The following STAG2 variants were observed in gnomAD, a reference collection of about 807,000 sequenced individuals.
STAG2 encodes the protein STAG2 cohesin complex component.
STAG2 carries 14 observed loss-of-function variants against 108.1 expected under a neutral mutation model. That is an observed-to-expected ratio of 0.13 (90% confidence interval 0.09 to 0.20). The LOEUF is 0.20. STAG2 is among the 10% of genes least tolerant of loss of function. The pLI, the probability that STAG2 is intolerant of heterozygous loss-of-function variation, is 1.00. For synonymous variants in STAG2, 307 were observed against 302.7 expected, an observed-to-expected ratio of 1.01 and a Z score of -0.15; for missense variants, 440 against 940.9, an observed-to-expected ratio of 0.47 and a Z score of 6.96.
At chrX:123,986,415 T>A (rs2055194004) in intron 1 of STAG2, among the ~76,000 whole-genome samples, 1 of 110,849 alleles carries the variant, frequency 9.0e-6, no homozygotes, top group African/African-American at 3.3e-5. Context: ...GGTATTTGAG[T>A]TTCTTAATAG....
chrX:124,025,360 G>T (rs2057059496), intron 3 of STAG2, among the ~76,000 whole-genome samples: 1 of 111,514 alleles, frequency 9.0e-6, no homozygotes, highest in South Asian at 3.7e-4. Flanking sequence ...TACATGTTTT[G>T]TATATTGACT....
At chrX:124,014,264 G>A (rs1276606707) in intron 1 of STAG2, among the ~76,000 whole-genome samples, 1 of 111,945 alleles carries the variant, frequency 8.9e-6, no homozygotes, top group Non-Finnish European at 1.9e-5. Context: ...AGTTATTTTT[G>A]TAATGTTGTG....
chrX:124,037,682 T>C (rs960776673), intron 6 of STAG2, 59 bp downstream of exon 6: 1 of 721,504 alleles, frequency 1.4e-6, no homozygotes. Context: ...TTGTTCCACC[T>C]AAAGAGATGT....
At chrX:124,037,671 G>A (rs777301879) in intron 6 of STAG2, 48 bp downstream of exon 6, 6 of 843,214 alleles carry the variant, frequency 7.1e-6, no homozygotes, top group Non-Finnish European at 8.4e-6. Context: ...TAGTCACTTC[G>A]TTGTTCCACC....
chrX:124,048,443 GTT>G (rs762003595), intron 9 of STAG2, among the ~76,000 whole-genome samples: 4 of 110,774 alleles, frequency 3.6e-5, no homozygotes, highest in Non-Finnish European at 5.7e-5. Context: ...TCTTTACAGT[GTT>G]TTTTTTGGAG....
chrX:123,964,161 A>G lies in STAG2; in HGVS notation c.-163+2305A>G, dbSNP rs781550814. Among the ~76,000 whole-genome samples the G allele has an allele frequency of 1.4e-3, 156 of 110,330 alleles. 1 individual carries two copies. The highest frequency in any genetic ancestry group is 4.8e-3 in the African/African-American group (147 of 30,311). ...AGATTGTCTTACAGTCTTGGGGGTA[A>G]TGACTTAAGTTTATATTTACATGTC... On this transcript the variant is annotated intron_variant, in intron 1 of 34. Coordinates refer to ENST00000371145, the MANE Select transcript of STAG2 (RefSeq NM_001042750.2).
chrX:123,965,639 C>T (rs756766615), intron 1 of STAG2, among the ~76,000 whole-genome samples: 3 of 111,769 alleles, frequency 2.7e-5, no homozygotes, highest in Non-Finnish European at 3.8e-5. Context: ...CTTTCTGCTT[C>T]GGGTTCTTTA....
chrX:124,075,454 A>G (rs956803534), intron 25 of STAG2, among the ~76,000 whole-genome samples: 2 of 111,248 alleles, frequency 1.8e-5, no homozygotes, highest in Admixed American at 1.9e-4. Flanking sequence ...TTGTATTTTT[A>G]GTAGAGATGG....
At chrX:123,972,252 G>A (rs1375373450) in intron 1 of STAG2, among the ~76,000 whole-genome samples, 1 of 107,913 alleles carries the variant, frequency 9.3e-6, no homozygotes, top group Non-Finnish European at 1.9e-5. Context: ...GTTGACGTTT[G>A]GAGGTTTTGT....
chrX:124,037,240 C>T (rs1475346730), intron 5 of STAG2, among the ~76,000 whole-genome samples: 1 of 111,887 alleles, frequency 8.9e-6, no homozygotes, highest in Non-Finnish European at 1.9e-5. Context: ...ACTGAGAAAT[C>T]ATAAGTAATT....
At chrX:123,990,166 A>G (rs2055384420) in intron 1 of STAG2, among the ~76,000 whole-genome samples, 1 of 111,876 alleles carries the variant, frequency 8.9e-6, no homozygotes, top group Non-Finnish European at 1.9e-5. Flanking sequence ...AGCCCTGGTT[A>G]CAGGATCTTC....
chrX:123,974,445 C>T (rs113633025), intron 1 of STAG2, among the ~76,000 whole-genome samples: 5 of 108,194 alleles, frequency 4.6e-5, no homozygotes, highest in African/African-American at 6.8e-5. Flanking sequence ...AGGCTTGTAT[C>T]GAACTCCTGA....
chrX:123,998,485 G>GTT (rs767817877), intron 1 of STAG2, among the ~76,000 whole-genome samples: 1,230 of 92,637 alleles, frequency 0.013, 9 homozygotes, highest in African/African-American at 0.022. Context: ...GTGTGTATGT[G>GTT]TTTTTTTTTT....
chrX:124,092,924 C>T (rs993029602), intron 32 of STAG2, among the ~76,000 whole-genome samples: 5 of 111,549 alleles, frequency 4.5e-5, no homozygotes, highest in African/African-American at 1.6e-4. Context: ...CATATTTGTC[C>T]AGGTAACATG....
chrX:124,042,221 A>G (rs187787398), intron 6 of STAG2, among the ~76,000 whole-genome samples: 31 of 111,290 alleles, frequency 2.8e-4, no homozygotes, highest in South Asian at 7.6e-4. Context: ...ACTAGATGCT[A>G]TCTCACTCTT....
At chrX:123,979,909 A>G (rs1353415387) in intron 1 of STAG2, among the ~76,000 whole-genome samples, 2 of 111,937 alleles carry the variant, frequency 1.8e-5, no homozygotes, top group African/African-American at 3.2e-5. Context: ...TAGCATACAT[A>G]TGTACATTTC....
In STAG2 at chrX:124,102,330, A is replaced by G. The variant is rs753606076; in HGVS notation, c.*1733A>G. 1.3e-5 allele frequency: 2 copies of G among 157,887 alleles called. No individual in the cohort carries two copies. Among genetic ancestry groups the G allele is most frequent in the South Asian group, 6.4e-4 (2 of 3,105 alleles). 13.0% of individuals were successfully genotyped at this position (157,887 alleles called of 1,213,427 possible). The stretch of plus-strand genomic sequence containing the variant: ...TTTTTTTCTCACTCTTGAAAGGAGT[A>G]CTTCTTTGTGAAAGCAGTTCTTACA... On this transcript the variant is annotated 3_prime_UTR_variant, in exon 35 of 35. Coordinates refer to ENST00000371145, the MANE Select transcript of STAG2 (RefSeq NM_001042750.2).
intron 27 of STAG2, among the ~76,000 whole-genome samples, chrX:124,079,457 A>T (rs2058895167): frequency 9.1e-6 from 1 of 109,458 alleles, no homozygotes; most frequent in Non-Finnish European, 1.9e-5. Flanking sequence ...TCTTAATTTT[A>T]TTTGAGAATT....
chrX:124,067,265 G>GC (rs1387247062), intron 23 of STAG2, among the ~76,000 whole-genome samples: 17 of 25,562 alleles, frequency 6.7e-4, no homozygotes, highest in African/African-American at 1.6e-4. Flanking sequence ...TGTGCTTCCC[G>GC]CCCCCCCACC....
Sources: allele counts gnomAD v4.1 joint callset (sites outside exome capture counted in the v4.1 genomes callset), GRCh38; gene constraint gnomAD v4.1.1; transcripts MANE v1.5; gene names NCBI Gene and HGNC (gene_info 2026-07-23, HGNC 2026-07-21).